The following PLCXD3 variants were observed in gnomAD, a reference collection of about 807,000 sequenced individuals.
PLCXD3 encodes the protein PI-PLC X domain-containing protein 3.
In PLCXD3, 19 loss-of-function variants were observed where a neutral mutation model predicts 25.5. The ratio of observed to expected loss-of-function variants is 0.75; its 90% confidence interval spans 0.52 to 1.09. PLCXD3 has a LOEUF of 1.09. PLCXD3 is among the 50% of genes least tolerant of loss of function. The pLI is 0.00. For missense variants in PLCXD3, 411 were observed against 388.1 expected (o/e 1.06, Z -0.50); for synonymous variants, 174 against 137.6 (o/e 1.26, Z -1.85).
chr5:41,352,112 T>C (rs1406999764), intron 2 of PLCXD3, among the ~76,000 whole-genome samples: 1 of 151,136 alleles, frequency 6.6e-6, no homozygotes, highest in Non-Finnish European at 1.5e-5. Flanking sequence ...ATATTTGAAA[T>C]TATAAAATAA....
At chr5:41,317,369 A>C (rs143588597) in intron 2 of PLCXD3, among the ~76,000 whole-genome samples, 1,791 of 152,316 alleles carry the variant, frequency 0.012, 18 homozygotes, top group South Asian at 0.019. Flanking sequence ...TCAAATTTCC[A>C]GAAGGCCTCC....
chr5:41,407,302 G>A (rs1674982940), intron 1 of PLCXD3, among the ~76,000 whole-genome samples: 2 of 152,034 alleles, frequency 1.3e-5, no homozygotes. Context: ...CACAGATTAT[G>A]AAAATAATAT....
At chr5:41,344,419 A>G (rs2150478815) in intron 2 of PLCXD3, among the ~76,000 whole-genome samples, 1 of 152,312 alleles carries the variant, frequency 6.6e-6, no homozygotes, top group South Asian at 2.1e-4. Context: ...TCTGAAATCC[A>G]AATGATCAAC....
intron 1 of PLCXD3, chr5:41,456,497 C>T (rs1423501372): frequency 5.2e-6 from 4 of 769,358 alleles, no homozygotes; most frequent in East Asian, 1.3e-4. Flanking sequence ...ATAAAATATA[C>T]ATTTATGTTG....
intron 1 of PLCXD3, among the ~76,000 whole-genome samples, chr5:41,387,780 T>C (rs75492832): frequency 0.11 from 16,524 of 152,198 alleles, 1,085 homozygotes; most frequent in Admixed American, 0.17. Context: ...CTATAAGTGC[T>C]GTTATTATGC....
chr5:41,442,129 T>C (rs1747398129), intron 1 of PLCXD3, among the ~76,000 whole-genome samples: 1 of 152,244 alleles, frequency 6.6e-6, no homozygotes, highest in African/African-American at 2.4e-5. Context: ...AATCATCCCA[T>C]ATATGGGAAG....
rs1743070990 is a variant in PLCXD3 at position 41,309,317 on chromosome 5, T to C, written c.*4300A>G. On this transcript the variant is annotated 3_prime_UTR_variant, in exon 3 of 3. Coordinates refer to ENST00000377801, the MANE Select transcript of PLCXD3 (RefSeq NM_001005473.3). ...AACAATTTAGAGCATTATTTAAAAC[T>C]GTATGTAACACAGGAGCCACCAATA... 2 of 152,586 alleles carry C rather than the reference T, an allele frequency of 1.3e-5. No individual in the cohort carries two copies. Among genetic ancestry groups the C allele is most frequent in the South Asian group, 2.1e-4 (1 of 4,828 alleles). 9.5% of individuals were successfully genotyped at this position (152,586 alleles called of 1,614,324 possible).
At chr5:41,356,579 C>A (rs1441376814) in intron 2 of PLCXD3, among the ~76,000 whole-genome samples, 1 of 152,106 alleles carries the variant, frequency 6.6e-6, no homozygotes. Context: ...ATCAACAATT[C>A]CCAAAATATG....
intron 2 of PLCXD3, among the ~76,000 whole-genome samples, chr5:41,315,070 G>A (rs1743249683): frequency 6.6e-6 from 1 of 152,064 alleles, no homozygotes; most frequent in Non-Finnish European, 1.5e-5. Context: ...TTTTTCATTT[G>A]CTGACAGAAT....
chr5:41,489,766 A>T (rs1748611832), intron 1 of PLCXD3, among the ~76,000 whole-genome samples: 1 of 151,676 alleles, frequency 6.6e-6, no homozygotes, highest in African/African-American at 2.4e-5. Context: ...AATGCTTGTG[A>T]TTTTTGTACA....
intron 1 of PLCXD3, among the ~76,000 whole-genome samples, chr5:41,422,869 G>A (rs551650969): frequency 6.6e-6 from 1 of 152,238 alleles, no homozygotes; most frequent in South Asian, 2.1e-4. Flanking sequence ...AATAAAAACA[G>A]GCATCTTTGC....
chr5:41,382,016 G>A lies in PLCXD3; in HGVS notation c.622C>T (p.Pro208Ser). The A allele has an allele frequency of 6.2e-7, 1 of 1,613,532 alleles. No individual in the cohort carries two copies. Among genetic ancestry groups the A allele is most frequent in the Non-Finnish European group, 8.5e-7 (1 of 1,179,744 alleles). ...PVALEVPFLW[P>S]GQMMPAPWAN... is the part of the protein sequence containing the mutation. ...CAGGGTGCTGGCATCATCTGCCCAG[G>A]CCAGAGAAAGGGCACTTCCAGAGCC... Residue 208 changes from proline to serine, a missense_variant, in exon 2 of 3, where the codon CCT becomes TCT. Physicochemically the swap from Pro to Ser is moderately conservative, Grantham distance 74 (BLOSUM62 -1). Transcript: ENST00000377801.
intron 1 of PLCXD3, among the ~76,000 whole-genome samples, chr5:41,438,959 C>T (rs1313258184): frequency 6.6e-6 from 1 of 152,110 alleles, no homozygotes; most frequent in Admixed American, 6.5e-5. Flanking sequence ...ATACATTTAT[C>T]AAGGTGAATT....
rs1199616131 is a variant in PLCXD3, at chr5:41,311,719, A to G, written c.*1898T>C. On this transcript the variant is annotated 3_prime_UTR_variant, in exon 3 of 3. Coordinates refer to ENST00000377801, the MANE Select transcript of PLCXD3 (RefSeq NM_001005473.3). ...CATAAACATTCTCTTCAGTATAAACAATTTCTTTTCCTCCCTTTAATTGCT... is the reference window on the plus strand; with the variant it reads ...CATAAACATTCTCTTCAGTATAAACGATTTCTTTTCCTCCCTTTAATTGCT... 2 of 152,182 alleles carry G rather than the reference A, an allele frequency of 1.3e-5. No individual in the cohort carries two copies. Among genetic ancestry groups the G allele is most frequent in the Non-Finnish European group, 2.9e-5 (2 of 68,022 alleles). 9.4% of individuals were successfully genotyped at this position (152,182 alleles called of 1,614,324 possible). A position where few individuals can be genotyped will look rare whatever the true frequency, so the allele number is the denominator to read the frequency against.
At chr5:41,400,879 T>A (rs1746161633) in intron 1 of PLCXD3, among the ~76,000 whole-genome samples, 1 of 152,100 alleles carries the variant, frequency 6.6e-6, no homozygotes, top group African/African-American at 2.4e-5. Context: ...GGATAACTGT[T>A]CGAGGGGAAG....
At chr5:41,446,778 A>G (rs1344319800) in intron 1 of PLCXD3, among the ~76,000 whole-genome samples, 1 of 152,126 alleles carries the variant, frequency 6.6e-6, no homozygotes, top group African/African-American at 2.4e-5. Flanking sequence ...AACAATTTTT[A>G]TTTCTATGAA....
In PLCXD3 at chr5:41,399,026, CAA is replaced by C. The variant is rs560278633; in HGVS notation, c.104-16494_104-16493del. 5.7e-4 allele frequency among the ~76,000 whole-genome samples: 85 copies of C among 150,012 alleles called. No homozygotes were observed. In the Middle Eastern group the frequency reaches 0.014, roughly 24 times the overall value. On this transcript the variant is annotated intron_variant, in intron 1 of 2. Coordinates refer to ENST00000377801, the MANE Select transcript of PLCXD3 (RefSeq NM_001005473.3). ...AGTTGCAGGATATAAAATCAACATA[CAA>C]AAAAAAAGTAGCATTTCTACATGCC...
intron 2 of PLCXD3, among the ~76,000 whole-genome samples, chr5:41,348,214 T>C (rs1270395034): frequency 6.6e-6 from 1 of 152,198 alleles, no homozygotes; most frequent in Non-Finnish European, 1.5e-5. Flanking sequence ...AAGGACATCA[T>C]TGCTTGTGTG....
chr5:41,478,750 T>C (rs1383822418), intron 1 of PLCXD3, among the ~76,000 whole-genome samples: 1 of 152,166 alleles, frequency 6.6e-6, no homozygotes, highest in Non-Finnish European at 1.5e-5. Flanking sequence ...CTGGGTAATT[T>C]ATGAAGAAAA....
Sources: gnomAD v4.1 joint callset for allele counts (sites outside exome capture counted in the v4.1 genomes callset) on GRCh38, gnomAD v4.1.1 for gene constraint, MANE v1.5 for transcripts, NCBI Gene and HGNC (gene_info 2026-07-23, HGNC 2026-07-21) for gene names.